Variants in KCNMB2 observed in about 807,000 individuals in gnomAD.
KCNMB2 encodes potassium calcium-activated channel subfamily M regulatory beta subunit 2, also known as calcium-activated potassium channel subunit beta-2.
A neutral mutation model predicts 24.5 loss-of-function variants in KCNMB2; 9 were observed. The observed-to-expected ratio is 0.37, with a 90% CI of 0.22 to 0.64. KCNMB2 has a LOEUF of 0.64. Ranked by LOEUF, KCNMB2 falls within the 30% of genes least tolerant of loss-of-function variation. KCNMB2 has a pLI of 0.63. For synonymous variants in KCNMB2, 109 were observed against 104.4 expected (o/e 1.04, Z -0.27); for missense variants, 226 against 284.3 (o/e 0.79, Z 1.47).
chr3:178,789,816 A>C (rs1713250984), intron 1 of KCNMB2, among the ~76,000 whole-genome samples: 1 of 152,060 alleles, frequency 6.6e-6, no homozygotes, highest in African/African-American at 2.4e-5. Flanking sequence ...ATAAACTTGA[A>C]AGGCAGCCTA....
intron 1 of KCNMB2, among the ~76,000 whole-genome samples, chr3:178,686,020 C>T (rs1721456696): frequency 6.6e-6 from 1 of 151,954 alleles, no homozygotes; most frequent in Non-Finnish European, 1.5e-5. Context: ...AGTATTCTTT[C>T]ATAACTGATT....
chr3:178,571,447 GATATATATATATATATATATATATAT>G (rs71181237), intron 1 of KCNMB2, among the ~76,000 whole-genome samples: 1 of 91,102 alleles, frequency 1.1e-5, no homozygotes, highest in Non-Finnish European at 2.4e-5. Flanking sequence ...TTTCCTTATG[GATATATATATATATATATATATATAT>G]ATATATATAT....
intron 1 of KCNMB2, among the ~76,000 whole-genome samples, chr3:178,638,250 A>G (rs1719599461): frequency 6.6e-6 from 1 of 152,204 alleles, no homozygotes; most frequent in East Asian, 1.9e-4. Flanking sequence ...GCCTGTGTGT[A>G]AAATTCAAAC....
chr3:178,781,837 A>G (rs750856650), intron 1 of KCNMB2, among the ~76,000 whole-genome samples: 3 of 150,066 alleles, frequency 2.0e-5, no homozygotes, highest in Non-Finnish European at 3.0e-5. Context: ...ATGTGCACAT[A>G]GTGCAGGTTA....
intron 2 of KCNMB2, among the ~76,000 whole-genome samples, chr3:178,811,949 T>G (rs1171407824): frequency 9.9e-5 from 15 of 152,226 alleles, no homozygotes; most frequent in Admixed American, 9.8e-4. Context: ...TTTTCTGAGT[T>G]GACTGTTTAA....
chr3:178,537,564 C>T (rs1346322397), intron 1 of KCNMB2, among the ~76,000 whole-genome samples: 1 of 152,186 alleles, frequency 6.6e-6, no homozygotes, highest in African/African-American at 2.4e-5. Context: ...TGCAGAGGAA[C>T]TTATTATACT....
At chr3:178,601,608 G>T (rs933297741) in intron 1 of KCNMB2, among the ~76,000 whole-genome samples, 7 of 152,290 alleles carry the variant, frequency 4.6e-5, no homozygotes, top group South Asian at 2.1e-4. Context: ...CTTTCCTCAG[G>T]AGGGGCCCTC....
intron 1 of KCNMB2, among the ~76,000 whole-genome samples, chr3:178,701,974 C>T (rs549191775): frequency 6.8e-4 from 103 of 152,202 alleles, no homozygotes; most frequent in African/African-American, 2.5e-3. Flanking sequence ...TATAAAGACA[C>T]ATGCACACGT....
chr3:178,746,687 C>G (rs1421481374), intron 1 of KCNMB2, among the ~76,000 whole-genome samples: 1 of 152,164 alleles, frequency 6.6e-6, no homozygotes, highest in Non-Finnish European at 1.5e-5. Flanking sequence ...GAATGCTTTG[C>G]TGGTTAGAAA....
At chr3:178,711,757 T>A (rs1323287319) in intron 1 of KCNMB2, among the ~76,000 whole-genome samples, 2 of 150,820 alleles carry the variant, frequency 1.3e-5, no homozygotes, top group Non-Finnish European at 3.0e-5. Flanking sequence ...ATTCTCCACT[T>A]ACTGAGAATT....
At chr3:178,686,009 T>C (rs1721456421) in intron 1 of KCNMB2, among the ~76,000 whole-genome samples, 2 of 152,200 alleles carry the variant, frequency 1.3e-5, no homozygotes, top group Non-Finnish European at 2.9e-5. Context: ...TTAGAAACTC[T>C]AGTATTCTTT....
At chr3:178,678,376 T>G (rs1036012303) in intron 1 of KCNMB2, among the ~76,000 whole-genome samples, 1 of 152,218 alleles carries the variant, frequency 6.6e-6, no homozygotes, top group African/African-American at 2.4e-5. Context: ...GCCCATTCCC[T>G]CTTGCCTGTG....
intron 1 of KCNMB2, among the ~76,000 whole-genome samples, chr3:178,670,376 G>A (rs1720860590): frequency 6.6e-6 from 1 of 151,544 alleles, no homozygotes; most frequent in South Asian, 2.1e-4. Context: ...GGGGATTATA[G>A]AAGCAAATGA....
chr3:178,559,735 C>A (rs1430711189), intron 1 of KCNMB2, among the ~76,000 whole-genome samples: 1 of 148,952 alleles, frequency 6.7e-6, no homozygotes, highest in South Asian at 2.2e-4. Context: ...AAACTGACAG[C>A]AATTCATGAA....
chr3:178,563,709 C>T (rs1436521170), intron 1 of KCNMB2, among the ~76,000 whole-genome samples: 1 of 152,072 alleles, frequency 6.6e-6, no homozygotes, highest in Non-Finnish European at 1.5e-5. Flanking sequence ...GGGTGGTGTC[C>T]AGGAAGTGTG....
At chr3:178,691,565 A>T (rs1721677133) in intron 1 of KCNMB2, among the ~76,000 whole-genome samples, 1 of 152,076 alleles carries the variant, frequency 6.6e-6, no homozygotes, top group Non-Finnish European at 1.5e-5. Context: ...AGCTCCATCC[A>T]TGTCCCTGAA....
chr3:178,800,755 G>A (rs936136214), intron 1 of KCNMB2, among the ~76,000 whole-genome samples: 3 of 152,154 alleles, frequency 2.0e-5, no homozygotes, highest in African/African-American at 7.2e-5. Context: ...ATTCACAATA[G>A]CCAAGATTTG....
intron 1 of KCNMB2, among the ~76,000 whole-genome samples, chr3:178,759,747 GAT>G: frequency 7.0e-5 from 1 of 14,238 alleles, no homozygotes; most frequent in Non-Finnish European, 1.0e-4. Context: ...TATCCAAGAG[GAT>G]ATATCTATAT....
intron 1 of KCNMB2, among the ~76,000 whole-genome samples, chr3:178,667,837 T>C (rs188452628): frequency 9.1e-4 from 138 of 152,200 alleles, no homozygotes; most frequent in African/African-American, 3.2e-3. Context: ...GGCTTTCCTG[T>C]CCAAACTTCT....
Sources: allele counts gnomAD v4.1 joint callset (sites outside exome capture counted in the v4.1 genomes callset), GRCh38; gene constraint gnomAD v4.1.1; transcripts MANE v1.5; gene names NCBI Gene and HGNC (gene_info 2026-07-23, HGNC 2026-07-21).